DLGAP2: variants seen among roughly 807,000 people sequenced by gnomAD.
DLGAP2 encodes the protein DLG associated protein 2.
Under a neutral mutation model 100.3 loss-of-function variants are expected in DLGAP2, and 26 were observed. That is an observed-to-expected ratio of 0.26 (90% CI 0.19 to 0.36). DLGAP2 has a LOEUF of 0.36. DLGAP2 is among the 10% of genes least tolerant of loss of function. The pLI, the probability that DLGAP2 is intolerant of heterozygous loss-of-function variation, is 1.00. For missense variants in DLGAP2, 1,858 were observed against 1,453.2 expected, an observed-to-expected ratio of 1.28 and a Z score of -4.53; for synonymous variants, 886 against 630.1, an observed-to-expected ratio of 1.41 and a Z score of -6.08.
chr8:1,549,155 C>T lies in DLGAP2; in HGVS notation c.702C>T (p.His234=), dbSNP rs535337250. 2.5e-6 allele frequency: 4 copies of T among 1,596,168 alleles called. No individual in the cohort carries two copies. The highest frequency in any genetic ancestry group is 1.8e-5 in the Admixed American group (1 of 57,096). The change falls in exon 5 of 15, where the codon CAC becomes CAT. Residue 234 remains histidine, a synonymous_variant. Transcript: ENST00000637795. ...CCGGGCGGATCCGCCACCTGGTACA[C>T]TCCGTGCAGAAGCTCTTCACCAAGT... is the stretch of plus-strand genomic sequence containing the variant. The part of the protein sequence containing the change: ...ESPGRIRHLV[H]SVQKLFTKSH...
At position 850,421 on chromosome 8, in the gene DLGAP2, GA is replaced by G. The variant is rs535082626; in HGVS notation, c.19-57483del. Among the ~76,000 whole-genome samples the G allele has an allele frequency of 2.3e-4, 35 of 151,818 alleles. 1 individual carries two copies. The highest frequency in any genetic ancestry group is 7.2e-4 in the African/African-American group (30 of 41,460). Reference sequence around the variant, plus strand: ...ATTTCCAATTTACAATGTATTTTAAGAAAAAAAATCATCAAATTTGCTTTTA... The same window carrying G: ...ATTTCCAATTTACAATGTATTTTAAGAAAAAAATCATCAAATTTGCTTTTA... On this transcript the variant is annotated intron_variant, in intron 1 of 14. Coordinates refer to ENST00000637795, the MANE Select transcript of DLGAP2 (RefSeq NM_001346810.2).
At chr8:1,431,704 C>T (rs192417335) in intron 3 of DLGAP2, among the ~76,000 whole-genome samples, 128 of 152,324 alleles carry the variant, frequency 8.4e-4, no homozygotes, top group Non-Finnish European at 1.5e-3. Flanking sequence ...GAGGCACTGG[C>T]TCCCGGGCTT....
chr8:940,749 G>T (rs939923434), intron 2 of DLGAP2, among the ~76,000 whole-genome samples: 1 of 152,182 alleles, frequency 6.6e-6, no homozygotes, highest in African/African-American at 2.4e-5. Context: ...ATAGTTTTCT[G>T]CAGCCACTTT....
At chr8:795,115 C>T (rs556396089) in intron 1 of DLGAP2, among the ~76,000 whole-genome samples, 3 of 152,214 alleles carry the variant, frequency 2.0e-5, no homozygotes, top group African/African-American at 7.2e-5. Context: ...CCATCTGGCT[C>T]CAGTGGGTTT....
At chr8:1,469,358 T>C (rs1034455443) in intron 3 of DLGAP2, among the ~76,000 whole-genome samples, 5 of 152,234 alleles carry the variant, frequency 3.3e-5, no homozygotes, top group Admixed American at 6.5e-5. Flanking sequence ...GCGGGCTTTA[T>C]TCTGGCTCCT....
At chr8:1,119,459 C>T (rs1005552332) in intron 2 of DLGAP2, among the ~76,000 whole-genome samples, 1 of 152,218 alleles carries the variant, frequency 6.6e-6, no homozygotes, top group Admixed American at 6.5e-5. Context: ...AACTTCTGTA[C>T]TCATCAGTTC....
intron 2 of DLGAP2, among the ~76,000 whole-genome samples, chr8:986,036 G>T (rs887703144): frequency 6.6e-6 from 1 of 152,084 alleles, no homozygotes; most frequent in African/African-American, 2.4e-5. Flanking sequence ...CCATTATTAG[G>T]GGGGAGTATG....
At chr8:1,166,991 C>G (rs1187507868) in intron 2 of DLGAP2, among the ~76,000 whole-genome samples, 2 of 152,060 alleles carry the variant, frequency 1.3e-5, no homozygotes, top group Non-Finnish European at 2.9e-5. Context: ...AAAAACTTAT[C>G]TGGGTGTGGT....
At chr8:745,084 C>A (rs1321092793) in intron 1 of DLGAP2, among the ~76,000 whole-genome samples, 1 of 152,210 alleles carries the variant, frequency 6.6e-6, no homozygotes, top group Non-Finnish European at 1.5e-5. Context: ...GTTACGCCAC[C>A]GTCCCTTCTC....
At chr8:973,729 T>C (rs185381203) in intron 2 of DLGAP2, among the ~76,000 whole-genome samples, 3,115 of 152,266 alleles carry the variant, frequency 0.02, 113 homozygotes, top group African/African-American at 0.069. Flanking sequence ...CTTTATCGGA[T>C]AGTGTTGGAG....
At chr8:1,671,585 G>T (rs1164583342) in intron 10 of DLGAP2, among the ~76,000 whole-genome samples, 1 of 152,204 alleles carries the variant, frequency 6.6e-6, no homozygotes, top group Admixed American at 6.5e-5. Flanking sequence ...TGCATTGCAT[G>T]ACCTTTTACT....
At chr8:1,128,173 G>T (rs529654656) in intron 2 of DLGAP2, among the ~76,000 whole-genome samples, 3 of 150,284 alleles carry the variant, frequency 2.0e-5, no homozygotes, top group Non-Finnish European at 4.4e-5. Flanking sequence ...GTTGTGTTCC[G>T]TGAGGACCTG....
chr8:766,862 T>G (rs1269982104), intron 1 of DLGAP2, among the ~76,000 whole-genome samples: 1 of 152,150 alleles, frequency 6.6e-6, no homozygotes, highest in Non-Finnish European at 1.5e-5. Context: ...GGGCTGTGTT[T>G]TCTAGTTCCT....
chr8:1,364,431 C>T (rs1176534472), intron 3 of DLGAP2, among the ~76,000 whole-genome samples: 2 of 149,578 alleles, frequency 1.3e-5, no homozygotes, highest in African/African-American at 4.9e-5. Flanking sequence ...CCACCCCGAC[C>T]TTCAGGAACC....
In DLGAP2 at chr8:1,541,006, ACAGGATTTTCTACAGAGCC is replaced by A. The variant is rs566393830; in HGVS notation, c.173-7606_173-7588del. ...AGGGATCCACAGTTTGGTAACCAGC[ACAGGATTTTCTACAGAGCC>A]CAGGATTTTCTACGGAGCCCTTCCT... On this transcript the variant is annotated intron_variant, in intron 4 of 14. Coordinates refer to ENST00000637795, the MANE Select transcript of DLGAP2 (RefSeq NM_001346810.2). 2.4e-3 allele frequency among the ~76,000 whole-genome samples: 368 copies of A among 152,342 alleles called. 2 individuals are homozygous for A. The highest frequency in any genetic ancestry group is 4.0e-3 in the Non-Finnish European group (269 of 68,034).
At chr8:1,661,923 G>A (rs993683821) in intron 8 of DLGAP2, among the ~76,000 whole-genome samples, 1 of 152,228 alleles carries the variant, frequency 6.6e-6, no homozygotes, top group Non-Finnish European at 1.5e-5. Context: ...GCTGCTCACA[G>A]TATGGTGAGC....
intron 2 of DLGAP2, among the ~76,000 whole-genome samples, chr8:1,165,287 G>A (rs1376769043): frequency 6.6e-6 from 1 of 151,748 alleles, no homozygotes; most frequent in African/African-American, 2.4e-5. Context: ...GACAGAGATG[G>A]GGAGAGAGAC....
intron 4 of DLGAP2, among the ~76,000 whole-genome samples, chr8:1,535,366 C>T (rs542184053): frequency 1.3e-5 from 2 of 152,336 alleles, no homozygotes; most frequent in South Asian, 4.1e-4. Flanking sequence ...TGTGATTTAT[C>T]CTCTCAATCA....
intron 5 of DLGAP2, among the ~76,000 whole-genome samples, chr8:1,559,370 G>A (rs1802081814): frequency 6.6e-6 from 1 of 152,188 alleles, no homozygotes; most frequent in Non-Finnish European, 1.5e-5. Context: ...TAACATAACG[G>A]AGAGAGATTT....
Sources: gnomAD v4.1 joint callset for allele counts (sites outside exome capture counted in the v4.1 genomes callset) on GRCh38, gnomAD v4.1.1 for gene constraint, MANE v1.5 for transcripts, NCBI Gene and HGNC (gene_info 2026-07-23, HGNC 2026-07-21) for gene names.